SPAG16: variants seen among roughly 807,000 people sequenced by gnomAD.
SPAG16 encodes the protein sperm-associated antigen 16 protein.
SPAG16 carries 86 observed loss-of-function variants against 80.4 expected under a neutral mutation model. That is an observed-to-expected ratio of 1.07 (90% CI 0.90 to 1.28). The LOEUF (loss-of-function observed/expected upper bound fraction) is 1.28. Among genes scored for constraint, SPAG16 ranks in the 50% most tolerant of loss-of-function variants. The pLI is 0.00. For missense variants in SPAG16, 870 were observed against 765.3 expected (o/e 1.14, Z -1.61); for synonymous variants, 294 against 265.9 (o/e 1.11, Z -1.03).
At chr2:213,608,178 T>G (rs568748439) in intron 10 of SPAG16, among the ~76,000 whole-genome samples, 1 of 152,202 alleles carries the variant, frequency 6.6e-6, no homozygotes, top group Admixed American at 6.5e-5. Context: ...CATTTTTTAT[T>G]CTATTATTAT....
chr2:213,728,496 T>G (rs1361289747), intron 10 of SPAG16, among the ~76,000 whole-genome samples: 2 of 152,024 alleles, frequency 1.3e-5, no homozygotes, highest in Non-Finnish European at 2.9e-5. Flanking sequence ...AGGAAATGGG[T>G]TTTAGAGAAC....
At chr2:214,228,780 A>C (rs954777010) in intron 15 of SPAG16, among the ~76,000 whole-genome samples, 8 of 151,898 alleles carry the variant, frequency 5.3e-5, no homozygotes, top group Non-Finnish European at 1.2e-4. Flanking sequence ...ATTATCATTT[A>C]ATCTACATTT....
At chr2:214,210,254 T>A (rs1396768069) in intron 15 of SPAG16, among the ~76,000 whole-genome samples, 1 of 150,120 alleles carries the variant, frequency 6.7e-6, no homozygotes, top group Non-Finnish European at 1.5e-5. Context: ...CTCGAACATG[T>A]TTGAACTATG....
rs553965623 is a variant in SPAG16, at chr2:213,889,765, T to C, written c.1214+27137T>C. On this transcript the variant is annotated intron_variant, in intron 11 of 15. Coordinates refer to ENST00000331683, the MANE Select transcript of SPAG16 (RefSeq NM_024532.5). ...TACATATTTTTTAACCGCCCACCTA[T>C]GTAAAGTACTCTACCACATCTGACA... Among the ~76,000 whole-genome samples, 29 of 149,992 alleles carry C rather than the reference T, an allele frequency of 1.9e-4. No homozygotes were observed. In the East Asian group the frequency reaches 5.2e-3, roughly 27 times the overall value.
At chr2:213,913,042 T>A (rs1014995737) in intron 11 of SPAG16, among the ~76,000 whole-genome samples, 1 of 152,142 alleles carries the variant, frequency 6.6e-6, no homozygotes, top group African/African-American at 2.4e-5. Context: ...TTTCTAAACA[T>A]AATTTTATGT....
At chr2:214,140,281 C>CT (rs957232171) in intron 14 of SPAG16, among the ~76,000 whole-genome samples, 1 of 150,816 alleles carries the variant, frequency 6.6e-6, no homozygotes, top group Non-Finnish European at 1.5e-5. Context: ...AGCTTCCAAA[C>CT]TTTTTTTTAA....
chr2:213,552,873 T>C, intron 10 of SPAG16, among the ~76,000 whole-genome samples: 1 of 152,218 alleles, frequency 6.6e-6, no homozygotes, highest in East Asian at 1.9e-4. Flanking sequence ...TCTCCCATGC[T>C]GGATGCTTCT....
chr2:214,123,403 A>T (rs1466204679), intron 14 of SPAG16, among the ~76,000 whole-genome samples: 1 of 152,026 alleles, frequency 6.6e-6, no homozygotes, highest in Non-Finnish European at 1.5e-5. Context: ...TGACCAAAAA[A>T]AATCAATCGT....
At chr2:213,911,959 T>C (rs528211188) in intron 11 of SPAG16, among the ~76,000 whole-genome samples, 4 of 152,158 alleles carry the variant, frequency 2.6e-5, no homozygotes, top group African/African-American at 9.6e-5. Context: ...CACATAAGGA[T>C]GTACAATCAA....
intron 15 of SPAG16, among the ~76,000 whole-genome samples, chr2:214,406,661 C>T (rs887108917): frequency 6.6e-6 from 1 of 151,812 alleles, no homozygotes; most frequent in African/African-American, 2.4e-5. Context: ...TTTGAAAGAC[C>T]CTCTAATTTA....
intron 15 of SPAG16, among the ~76,000 whole-genome samples, chr2:214,162,463 T>C (rs565401790): frequency 6.6e-6 from 1 of 152,148 alleles, no homozygotes; most frequent in Non-Finnish European, 1.5e-5. Flanking sequence ...TTTAACCCTA[T>C]TACAGGGAAG....
chr2:213,980,763 G>C (rs1296151370), intron 12 of SPAG16, among the ~76,000 whole-genome samples: 2 of 143,270 alleles, frequency 1.4e-5, no homozygotes, highest in African/African-American at 5.2e-5. Flanking sequence ...GAGAGAGTAA[G>C]CTGGGTGTGA....
chr2:213,873,953 A>C (rs1238247600), intron 11 of SPAG16, among the ~76,000 whole-genome samples: 1 of 152,170 alleles, frequency 6.6e-6, no homozygotes, highest in Non-Finnish European at 1.5e-5. Context: ...TGCCATTGCT[A>C]TTGCTCCTAT....
At chr2:213,748,442 A>G (rs1396648819) in intron 10 of SPAG16, among the ~76,000 whole-genome samples, 1 of 151,960 alleles carries the variant, frequency 6.6e-6, no homozygotes, top group Non-Finnish European at 1.5e-5. Context: ...CCAAGTCTAT[A>G]TTTTCTCTTT....
At chr2:214,069,775 A>G (rs2050701229) in intron 13 of SPAG16, among the ~76,000 whole-genome samples, 1 of 151,650 alleles carries the variant, frequency 6.6e-6, no homozygotes, top group South Asian at 2.1e-4. Flanking sequence ...TGAAGAACCT[A>G]AATTTTCTAA....
intron 10 of SPAG16, among the ~76,000 whole-genome samples, chr2:213,508,941 C>G (rs1426558926): frequency 1.3e-5 from 2 of 151,816 alleles, no homozygotes; most frequent in South Asian, 2.1e-4. Context: ...GTCCCACAGC[C>G]TTTAACTCCT....
intron 9 of SPAG16, among the ~76,000 whole-genome samples, chr2:213,471,170 C>A (rs972857964): frequency 2.6e-5 from 4 of 152,150 alleles, no homozygotes; most frequent in Non-Finnish European, 4.4e-5. Flanking sequence ...CATCTGTGAA[C>A]CAGGACTTAA....
chr2:214,031,511 G>T (rs940524533), intron 13 of SPAG16, among the ~76,000 whole-genome samples: 21 of 140,176 alleles, frequency 1.5e-4, no homozygotes, highest in Non-Finnish European at 2.6e-4. Flanking sequence ...CGAGTTAATG[G>T]GTGCAGCACA....
At chr2:213,867,894 A>G (rs570048474) in intron 11 of SPAG16, among the ~76,000 whole-genome samples, 1 of 135,054 alleles carries the variant, frequency 7.4e-6, no homozygotes, top group South Asian at 2.5e-4. Context: ...ACTGCACTCC[A>G]GCTTGGGTGA....
Sources: allele counts gnomAD v4.1 joint callset (sites outside exome capture counted in the v4.1 genomes callset), GRCh38; gene constraint gnomAD v4.1.1; transcripts MANE v1.5; gene names NCBI Gene and HGNC (gene_info 2026-07-23, HGNC 2026-07-21).